The following CCDC73 variants were observed in gnomAD, a reference collection of about 807,000 sequenced individuals.
CCDC73 encodes the protein coiled-coil domain containing 73, also known as coiled-coil domain-containing protein 73.
Under a neutral mutation model 116.5 loss-of-function variants are expected in CCDC73, and 95 were observed. The ratio of observed to expected loss-of-function variants is 0.82; its 90% CI spans 0.69 to 0.97. CCDC73 has a LOEUF of 0.97. CCDC73 is among the 50% of genes least tolerant of loss of function. CCDC73 has a pLI of 0.00. For synonymous variants in CCDC73, 398 were observed against 401.3 expected (o/e 0.99, Z 0.10); for missense variants, 1,066 against 1,206.8 (o/e 0.88, Z 1.73).
chr11:32,755,224 ATAAT>A (rs1850322289), intron 2 of CCDC73, among the ~76,000 whole-genome samples: 3 of 147,964 alleles, frequency 2.0e-5, no homozygotes, highest in African/African-American at 7.4e-5. Context: ...GCTTAGGAAA[ATAAT>A]TAAGACCTTA....
chr11:32,711,921 C>T (rs577805364), intron 3 of CCDC73, among the ~76,000 whole-genome samples: 1 of 152,156 alleles, frequency 6.6e-6, no homozygotes, highest in Non-Finnish European at 1.5e-5. Flanking sequence ...ACAGTCTTCC[C>T]TTAGACCTAG....
intron 6 of CCDC73, among the ~76,000 whole-genome samples, chr11:32,694,917 G>A (rs1487357664): frequency 1.3e-5 from 2 of 152,160 alleles, no homozygotes; most frequent in African/African-American, 4.8e-5. Flanking sequence ...TGTGTCCAGA[G>A]GCTAGAGAAC....
chr11:32,606,585 G>A (rs1193509208), intron 17 of CCDC73, among the ~76,000 whole-genome samples: 3 of 152,110 alleles, frequency 2.0e-5, no homozygotes, highest in African/African-American at 7.2e-5. Context: ...AATTGAGTTT[G>A]TTTTATATGC....
intron 3 of CCDC73, among the ~76,000 whole-genome samples, chr11:32,710,417 T>A (rs1031730974): frequency 6.6e-6 from 1 of 152,224 alleles, no homozygotes; most frequent in African/African-American, 2.4e-5. Context: ...AATTTTTAAA[T>A]TTCCATCTTG....
At chr11:32,768,336 T>G (rs1850461988) in intron 1 of CCDC73, among the ~76,000 whole-genome samples, 1 of 151,562 alleles carries the variant, frequency 6.6e-6, no homozygotes. Context: ...GTTGGGGGAG[T>G]GGGCAGGGAT....
rs539006880 is a variant in CCDC73, at chr11:32,629,232, G to GA, written c.1185+6463dup. On this transcript the variant is annotated intron_variant, in intron 14 of 17. Coordinates refer to ENST00000335185, the MANE Select transcript of CCDC73 (RefSeq NM_001008391.4). ...AAGTCCCAGAAAGTAGAGGGGGACA[G>GA]AAAAAAAAATTGAAGAAATGACCAA... is the stretch of plus-strand genomic sequence containing the variant. 9.3e-5 allele frequency among the ~76,000 whole-genome samples: 14 copies of GA among 150,956 alleles called. No homozygotes were observed. The South Asian group carries it at 2.5e-3, about 27-fold the overall frequency.
chr11:32,768,354 G>A (rs1761782597), intron 1 of CCDC73, among the ~76,000 whole-genome samples: 1 of 152,158 alleles, frequency 6.6e-6, no homozygotes, highest in Admixed American at 6.5e-5. Context: ...GATAGCATTA[G>A]GAGATATACG....
At chr11:32,627,572 A>G (rs546061491) in intron 14 of CCDC73, among the ~76,000 whole-genome samples, 2 of 152,354 alleles carry the variant, frequency 1.3e-5, no homozygotes, top group South Asian at 2.1e-4. Flanking sequence ...AACCAACCCA[A>G]ATGTCCATCA....
intron 1 of CCDC73, among the ~76,000 whole-genome samples, chr11:32,770,137 G>T (rs936613664): frequency 6.6e-6 from 1 of 152,086 alleles, no homozygotes; most frequent in Non-Finnish European, 1.5e-5. Flanking sequence ...TGTTAGATTT[G>T]CTTAGTTAGG....
intron 2 of CCDC73, among the ~76,000 whole-genome samples, chr11:32,725,924 G>A (rs1017135512): frequency 4.6e-5 from 7 of 152,238 alleles, no homozygotes; most frequent in Admixed American, 1.3e-4. Context: ...GAGGGACTCT[G>A]GCAAATATCC....
At chr11:32,671,492 T>C (rs1856037719) in intron 9 of CCDC73, among the ~76,000 whole-genome samples, 4 of 151,592 alleles carry the variant, frequency 2.6e-5, no homozygotes. Flanking sequence ...AAAATGGAAA[T>C]TGTCTTTGGG....
chr11:32,646,307 T>C (rs1253494008), intron 12 of CCDC73, among the ~76,000 whole-genome samples: 1 of 152,228 alleles, frequency 6.6e-6, no homozygotes, highest in Non-Finnish European at 1.5e-5. Flanking sequence ...AGTTCTGTCA[T>C]GAGTCTCCTG....
At position 32,611,239 on chromosome 11, in the gene CCDC73, C is replaced by T; in HGVS notation, c.2923G>A (p.Asp975Asn). ...TGGATACTCCAGTTATTCAAAGTGT[C>T]AGCAACTCTGTTAATGCTGGTAGTA... ...PDTTSINRVA[D>N]TLNNWSIHPD... The change falls in exon 17 of 18, where the codon GAC becomes AAC. Residue 975 changes from aspartate to asparagine, a missense_variant. Transcript: ENST00000335185. The T allele has an allele frequency of 6.2e-7, 1 of 1,613,426 alleles. No homozygotes were observed. Among genetic ancestry groups the T allele is most frequent in the Non-Finnish European group, 8.5e-7 (1 of 1,179,612 alleles).
At chr11:32,727,626 G>C (rs1217290289) in intron 2 of CCDC73, among the ~76,000 whole-genome samples, 1 of 151,996 alleles carries the variant, frequency 6.6e-6, no homozygotes, top group Non-Finnish European at 1.5e-5. Context: ...AGGCTGGAGC[G>C]CAGTGGCGCC....
At chr11:32,749,348 A>G (rs1476956217) in intron 2 of CCDC73, among the ~76,000 whole-genome samples, 1 of 151,872 alleles carries the variant, frequency 6.6e-6, no homozygotes, top group African/African-American at 2.4e-5. Flanking sequence ...GCATTTTTCA[A>G]TTCCAGAATT....
Position 32,683,525 on chromosome 11 carries a change from A to G in CCDC73, c.429+11T>C. 6.6e-7 allele frequency: 1 copy of G among 1,504,870 alleles called. No individual in the cohort carries two copies. The highest frequency in any genetic ancestry group is 9.2e-7 in the Non-Finnish European group (1 of 1,083,508). 93.2% of individuals were successfully genotyped at this position (1,504,870 alleles called of 1,614,324 possible). On this transcript the variant is annotated intron_variant, in intron 7 of 17. Coordinates refer to ENST00000335185, the MANE Select transcript of CCDC73 (RefSeq NM_001008391.4). ...CCAGATGGGGGAAAATATGTTTTGT[A>G]ATTTCCTTACCATTTCACTCACTTT...
chr11:32,830,290 G>T, the CCDC73 span: 3 of 868,516 alleles, frequency 3.5e-6, no homozygotes, highest in Non-Finnish European at 4.6e-6. Context: ...ACAGGTGCCC[G>T]ATCAGCCCTC....
At chr11:32,794,789 G>T (rs954239455), upstream of CCDC73, 1 of 152,136 alleles carries the variant, frequency 6.6e-6, no homozygotes, top group South Asian at 2.1e-4. Flanking sequence ...AAGATACCTG[G>T]ATATTTGATG....
At chr11:32,820,293 T>C in the CCDC73 span, among the ~76,000 whole-genome samples, 2 of 152,146 alleles carry the variant, frequency 1.3e-5, no homozygotes, top group African/African-American at 2.4e-5. Context: ...GCTGGAACTA[T>C]AGGCATGTGA....
Sources: gnomAD v4.1 joint callset for allele counts (sites outside exome capture counted in the v4.1 genomes callset) on GRCh38, gnomAD v4.1.1 for gene constraint, MANE v1.5 for transcripts, NCBI Gene and HGNC (gene_info 2026-07-23, HGNC 2026-07-21) for gene names.